Variants in MEGF10 observed in about 807,000 individuals in gnomAD.
The protein encoded by MEGF10 is multiple epidermal growth factor-like domains protein 10.
A neutral mutation model predicts 147.5 loss-of-function variants in MEGF10; 86 were observed. That is an observed-to-expected ratio of 0.58 (90% CI 0.49 to 0.70). The LOEUF is 0.70. Among genes scored for constraint, MEGF10 ranks in the 30% least tolerant of loss-of-function variants. MEGF10 has a pLI of 0.00. For synonymous variants in MEGF10, 478 were observed against 525.5 expected (o/e 0.91, Z 1.24); for missense variants, 1,329 against 1,487.3 (o/e 0.89, Z 1.75).
At chr5:127,375,605 T>A (rs1229151370) in intron 5 of MEGF10, among the ~76,000 whole-genome samples, 1 of 152,240 alleles carries the variant, frequency 6.6e-6, no homozygotes, top group Non-Finnish European at 1.5e-5. Flanking sequence ...GACATTAATC[T>A]ATTTTATCCC....
intron 1 of MEGF10, among the ~76,000 whole-genome samples, chr5:127,312,250 G>A (rs941155898): frequency 1.3e-5 from 2 of 152,134 alleles, no homozygotes; most frequent in African/African-American, 4.8e-5. Context: ...AAGTGCCTTC[G>A]GCTGGCACAG....
intron 2 of MEGF10, among the ~76,000 whole-genome samples, chr5:127,334,074 G>C (rs1197133188): frequency 6.6e-6 from 1 of 152,130 alleles, no homozygotes; most frequent in Non-Finnish European, 1.5e-5. Context: ...AAGTAGAATT[G>C]TTTTGATAAG....
At chr5:127,381,460 G>T (rs986726219) in intron 5 of MEGF10, among the ~76,000 whole-genome samples, 3 of 152,128 alleles carry the variant, frequency 2.0e-5, no homozygotes, top group Non-Finnish European at 2.9e-5. Flanking sequence ...CAATGTGTTT[G>T]CTGGCTGCCG....
At chr5:127,445,292 T>A in intron 19 of MEGF10, 165 bp from the exon 20 acceptor site, 1 of 630,200 alleles carries the variant, frequency 1.6e-6, no homozygotes, top group Non-Finnish European at 2.8e-6. Flanking sequence ...CGACAACATC[T>A]GACAATGAGG....
chr5:127,438,602 A>T (rs1341445372), intron 17 of MEGF10, 35 bp downstream of exon 17: 1 of 1,609,120 alleles, frequency 6.2e-7, no homozygotes, highest in Non-Finnish European at 8.5e-7. Flanking sequence ...CACCAAGGGG[A>T]GCCTTGTCCA....
the MEGF10 span, among the ~76,000 whole-genome samples, chr5:127,238,244 C>T: frequency 4.6e-5 from 7 of 151,912 alleles, no homozygotes; most frequent in Non-Finnish European, 8.8e-5. Context: ...TTAGTAGAGA[C>T]GGGGCTTTGC....
chr5:127,247,365 GAAGAAGAAGAAGAAGAAGAAGAAGAAGA>G, the MEGF10 span, among the ~76,000 whole-genome samples: 2 of 4,008 alleles, frequency 5.0e-4, no homozygotes, highest in Admixed American at 5.3e-3. Flanking sequence ...AGAAGAAGAA[GAAGAAGAAGAAGAAGAAGAAGAAGAAGA>G]AGAAGAAGAA....
rs1388266650 is a variant in MEGF10 at position 127,457,287 on chromosome 5, G to C, written c.3392G>C (p.Ser1131Thr). 1.2e-6 allele frequency: 2 copies of C among 1,613,420 alleles called. No individual in the cohort carries two copies. The highest frequency in any genetic ancestry group is 1.7e-6 in the Non-Finnish European group (2 of 1,179,664). Reference protein sequence around the residue: ...SSPKQEDSGGSSSNSSSSSE With the variant: ...SSPKQEDSGGTSSNSSSSSE ...CCTAAGCAAGAGGACAGTGGTGGTAGCAGCAGCAACAGCAGCAGCAGCAGT... is the reference window on the plus strand; with the variant it reads ...CCTAAGCAAGAGGACAGTGGTGGTACCAGCAGCAACAGCAGCAGCAGCAGT... Residue 1131 changes from serine (S) to threonine (T), a missense_variant, in exon 25 of 25, where the codon AGC (serine) becomes ACC (threonine). Coordinates refer to ENST00000503335, the MANE Select transcript of MEGF10 (RefSeq NM_001256545.2).
At chr5:127,268,631 C>A in the MEGF10 span, among the ~76,000 whole-genome samples, 3 of 152,360 alleles carry the variant, frequency 2.0e-5, no homozygotes, top group African/African-American at 7.2e-5. Context: ...TCAAGGAGGC[C>A]TGCCTGCCTC....
chr5:127,433,281 C>A, intron 13 of MEGF10, 82 bp from the exon 14 acceptor site: 1 of 1,563,226 alleles, frequency 6.4e-7, no homozygotes, highest in East Asian at 2.2e-5. Flanking sequence ...ACACTGTGAG[C>A]TTAGTCCTCA....
chr5:127,309,954 T>C (rs2546805), intron 1 of MEGF10, among the ~76,000 whole-genome samples: 8,396 of 39,150 alleles, frequency 0.21, 1,665 homozygotes, highest in Non-Finnish European at 0.26. Flanking sequence ...CAACTCTTTC[T>C]TTCTTTCTTT....
chr5:127,248,691 A>C, the MEGF10 span, among the ~76,000 whole-genome samples: 2 of 152,056 alleles, frequency 1.3e-5, no homozygotes, highest in Non-Finnish European at 2.9e-5. Context: ...ATATATTTTA[A>C]AACATGGATA....
chr5:127,340,142 C>T (rs1761623699), intron 3 of MEGF10, among the ~76,000 whole-genome samples: 1 of 152,082 alleles, frequency 6.6e-6, no homozygotes, highest in African/African-American at 2.4e-5. Context: ...ATAAATGGCA[C>T]TTTAGTTCAA....
the MEGF10 span, among the ~76,000 whole-genome samples, chr5:127,243,430 A>C: frequency 6.6e-6 from 1 of 152,214 alleles, no homozygotes; most frequent in Non-Finnish European, 1.5e-5. Flanking sequence ...AAGAATGTTG[A>C]AATTTAAATA....
intron 21 of MEGF10, among the ~76,000 whole-genome samples, chr5:127,448,894 A>C (rs1321786592): frequency 6.6e-6 from 1 of 150,626 alleles, no homozygotes; most frequent in Non-Finnish European, 1.5e-5. Context: ...GAGGTGGTGG[A>C]GGGAGTAGCT....
At chr5:127,443,222 A>C in intron 19 of MEGF10, 96 bp downstream of exon 19, 1 of 1,297,620 alleles carries the variant, frequency 7.7e-7, no homozygotes, top group Middle Eastern at 2.0e-4. Context: ...ATCCAGCAGA[A>C]TCTTCACCAC....
chr5:127,280,856 G>T, the MEGF10 span, among the ~76,000 whole-genome samples: 245 of 152,290 alleles, frequency 1.6e-3, 1 homozygote, highest in African/African-American at 5.8e-3. Context: ...AGCTTTCCTC[G>T]CAGGAGAGAA....
rs1766533020 is a variant in MEGF10 at position 127,460,791 on chromosome 5, T to G, written c.*3473T>G. Reference sequence around the variant, plus strand: ...ATTTTCTATCTCTAGGCAACATGTCTTTATTATTCAAGCTGAATGTTTAAG... The same window carrying G: ...ATTTTCTATCTCTAGGCAACATGTCGTTATTATTCAAGCTGAATGTTTAAG... On this transcript the variant is annotated 3_prime_UTR_variant, in exon 25 of 25. Transcript: ENST00000503335. 1 of 152,064 alleles carries G rather than the reference T, an allele frequency of 6.6e-6. No individual in the cohort carries two copies. The highest frequency in any genetic ancestry group is 2.4e-5 in the African/African-American group (1 of 41,428). The allele number at this position is 152,064 out of a possible 1,614,324, so 9.4% of individuals were successfully genotyped here. A position where few individuals can be genotyped will look rare whatever the true frequency, so the allele number is the denominator to read the frequency against.
the MEGF10 span, among the ~76,000 whole-genome samples, chr5:127,248,778 G>A: frequency 3.3e-5 from 5 of 150,002 alleles, no homozygotes; most frequent in African/African-American, 1.2e-4. Context: ...AAAGGAGAAT[G>A]AATCAGAACT....
Sources: allele counts gnomAD v4.1 joint callset (sites outside exome capture counted in the v4.1 genomes callset), GRCh38; gene constraint gnomAD v4.1.1; transcripts MANE v1.5; gene names NCBI Gene and HGNC (gene_info 2026-07-23, HGNC 2026-07-21).